The following SUGCT variants were observed in gnomAD, a reference collection of about 807,000 sequenced individuals.
The protein encoded by SUGCT is succinyl-CoA:glutarate-CoA transferase.
SUGCT carries 41 observed loss-of-function variants against 55.0 expected under a neutral mutation model. That is an observed-to-expected ratio of 0.74 (90% CI 0.58 to 0.97). The LOEUF is 0.97. Among genes scored for constraint, SUGCT ranks in the 50% least tolerant of loss-of-function variants. The probability of loss-of-function intolerance (pLI) is 0.00; values close to 1 mark genes in which losing one functional copy is unlikely to be tolerated. For missense variants in SUGCT, 568 were observed against 547.8 expected (o/e 1.04, Z -0.37); for synonymous variants, 187 against 200.4 (o/e 0.93, Z 0.56).
the SUGCT span, among the ~76,000 whole-genome samples, chr7:41,018,298 G>C: frequency 6.6e-6 from 1 of 152,130 alleles, no homozygotes; most frequent in African/African-American, 2.4e-5. Flanking sequence ...CAGAGAAGGT[G>C]AGCTTTAATC....
At chr7:40,762,869 C>G (rs140468682) in intron 13 of SUGCT, among the ~76,000 whole-genome samples, 2,027 of 151,608 alleles carry the variant, frequency 0.013, 138 homozygotes, top group East Asian at 0.091. Context: ...GTGCAGTGCA[C>G]TGGCATGATC....
chr7:40,732,430 G>T (rs144624897), intron 12 of SUGCT, among the ~76,000 whole-genome samples: 4,568 of 152,272 alleles, frequency 0.03, 95 homozygotes, highest in Middle Eastern at 0.048. Context: ...CATAATCCAG[G>T]AGTGGGACTT....
intron 8 of SUGCT, among the ~76,000 whole-genome samples, chr7:40,293,543 T>C (rs1394746806): frequency 1.3e-5 from 2 of 152,306 alleles, no homozygotes. Flanking sequence ...AAAGTACCAG[T>C]GAGCTTTTTG....
intron 12 of SUGCT, among the ~76,000 whole-genome samples, chr7:40,520,751 G>C (rs1481324162): frequency 1.3e-5 from 2 of 152,030 alleles, no homozygotes; most frequent in Non-Finnish European, 2.9e-5. Context: ...AAAATGACTT[G>C]AATAAGCATT....
intron 12 of SUGCT, among the ~76,000 whole-genome samples, chr7:40,617,739 T>A (rs1236450211): frequency 6.6e-6 from 1 of 152,198 alleles, no homozygotes; most frequent in Admixed American, 6.5e-5. Context: ...TGCATACTTT[T>A]TTTTCCAATG....
intron 12 of SUGCT, among the ~76,000 whole-genome samples, chr7:40,650,487 G>A (rs1046152709): frequency 6.6e-6 from 1 of 152,078 alleles, no homozygotes; most frequent in East Asian, 1.9e-4. Flanking sequence ...GGTTTGGTCC[G>A]CTCCCTGTGT....
chr7:40,426,605 G>T (rs1347319191), intron 9 of SUGCT, among the ~76,000 whole-genome samples: 1 of 152,090 alleles, frequency 6.6e-6, no homozygotes, highest in Non-Finnish European at 1.5e-5. Context: ...CATCACCGAA[G>T]GTGTTTCCAT....
At chr7:40,575,985 C>T (rs1194100018) in intron 12 of SUGCT, among the ~76,000 whole-genome samples, 1 of 150,708 alleles carries the variant, frequency 6.6e-6, no homozygotes, top group Non-Finnish European at 1.5e-5. Context: ...TTGTATGTAA[C>T]TGTGTAATGT....
the SUGCT span, among the ~76,000 whole-genome samples, chr7:40,866,823 G>A: frequency 1.6e-4 from 25 of 152,164 alleles, no homozygotes; most frequent in South Asian, 2.1e-3. Flanking sequence ...TAAGTGAATC[G>A]TTAGCTGAAC....
intron 12 of SUGCT, among the ~76,000 whole-genome samples, chr7:40,503,902 G>A (rs1038692156): frequency 2.0e-5 from 3 of 152,084 alleles, no homozygotes; most frequent in Admixed American, 6.6e-5. Context: ...GAATATGACC[G>A]AATGCTGTTG....
At chr7:40,719,612 A>C (rs147163624) in intron 12 of SUGCT, among the ~76,000 whole-genome samples, 1 of 152,298 alleles carries the variant, frequency 6.6e-6, no homozygotes, top group East Asian at 1.9e-4. Context: ...ACAACAGAAA[A>C]ATGGAAAGCA....
chr7:40,756,057 G>A (rs912334001), intron 13 of SUGCT, among the ~76,000 whole-genome samples: 1 of 152,152 alleles, frequency 6.6e-6, no homozygotes. Context: ...ATTTTAAGGT[G>A]AATTTGTATA....
intron 13 of SUGCT, among the ~76,000 whole-genome samples, chr7:40,839,300 T>C (rs1024247997): frequency 1.3e-5 from 2 of 152,158 alleles, no homozygotes; most frequent in Non-Finnish European, 2.9e-5. Flanking sequence ...TGGAGTGTAC[T>C]GGCACAATCA....
intron 6 of SUGCT, among the ~76,000 whole-genome samples, chr7:40,197,826 C>T (rs371327898): frequency 3.2e-4 from 48 of 152,170 alleles, no homozygotes; most frequent in African/African-American, 1.0e-3. Flanking sequence ...CATTTTATCA[C>T]ATCATCGAGT....
chr7:40,713,308 C>G (rs1392558068), intron 12 of SUGCT, among the ~76,000 whole-genome samples: 5 of 152,194 alleles, frequency 3.3e-5, no homozygotes, highest in Admixed American at 3.3e-4. Context: ...CTGCAGGGCT[C>G]TGGGCTCAGA....
the SUGCT span, among the ~76,000 whole-genome samples, chr7:40,881,294 G>A: frequency 3.3e-5 from 5 of 152,064 alleles, no homozygotes; most frequent in East Asian, 1.9e-4. Flanking sequence ...TACATTCCCC[G>A]GTGTGCTAAA....
At chr7:40,820,505 G>A (rs1253147315) in intron 13 of SUGCT, among the ~76,000 whole-genome samples, 4 of 152,092 alleles carry the variant, frequency 2.6e-5, no homozygotes, top group Non-Finnish European at 5.9e-5. Context: ...GGATTCCTAG[G>A]TACTTTATTC....
At chr7:40,907,653 A>G in the SUGCT span, among the ~76,000 whole-genome samples, 3 of 152,102 alleles carry the variant, frequency 2.0e-5, no homozygotes, top group Admixed American at 6.5e-5. Context: ...TCACATGGTT[A>G]GCAAGTTACA....
intron 13 of SUGCT, among the ~76,000 whole-genome samples, chr7:40,767,899 T>TA (rs1403527042): frequency 6.6e-6 from 1 of 151,400 alleles, no homozygotes; most frequent in African/African-American, 2.4e-5. Context: ...AGGACACAGT[T>TA]ACCAGAATAG....
Sources: gnomAD v4.1 joint callset for allele counts (sites outside exome capture counted in the v4.1 genomes callset) on GRCh38, gnomAD v4.1.1 for gene constraint, MANE v1.5 for transcripts, NCBI Gene and HGNC (gene_info 2026-07-23, HGNC 2026-07-21) for gene names.